The following PAMR1 variants were observed in gnomAD, a reference collection of about 807,000 sequenced individuals.
The protein encoded by PAMR1 is peptidase domain containing associated with muscle regeneration 1, also known as inactive serine protease PAMR1.
A neutral mutation model predicts 81.8 loss-of-function variants in PAMR1; 88 were observed. The ratio of observed to expected loss-of-function variants is 1.08; its 90% CI spans 0.91 to 1.28. The LOEUF (loss-of-function observed/expected upper bound fraction) is 1.28, where lower values mean the gene tolerates loss of function less well. PAMR1 is among the 50% of genes most tolerant of loss of function. PAMR1 has a pLI of 0.00. For missense variants in PAMR1, 935 were observed against 919.7 expected, an observed-to-expected ratio of 1.02 and a Z score of -0.21; for synonymous variants, 336 against 345.3, an observed-to-expected ratio of 0.97 and a Z score of 0.30.
chr11:35,511,318 G>T (rs1002172608), intron 1 of PAMR1, among the ~76,000 whole-genome samples: 1 of 152,198 alleles, frequency 6.6e-6, no homozygotes, highest in East Asian at 1.9e-4. Context: ...CTCAGGCATC[G>T]TCTGCAAGTG....
upstream of PAMR1, chr11:35,530,289 A>G (rs1815614229): frequency 1.3e-5 from 2 of 152,232 alleles, no homozygotes; most frequent in African/African-American, 4.8e-5. Flanking sequence ...GGAAGTCTCC[A>G]GCCCTAATGA....
intron 8 of PAMR1, 101 bp downstream of exon 8, chr11:35,439,526 C>T: frequency 1.0e-6 from 1 of 971,056 alleles, no homozygotes; most frequent in Non-Finnish European, 1.7e-6. Context: ...CCCTAAGAAA[C>T]CTCAAACTGA....
rs184703334 is a variant in PAMR1 at position 35,479,077 on chromosome 11, A to T, written c.380-4333T>A. ...AACAAAAATGAACACCCTTAGCCTC[A>T]GACAAAAGTCTTCTTATCTTCAGCA... On this transcript the variant is annotated intron_variant, in intron 3 of 10. Transcript: ENST00000619888. Among the ~76,000 whole-genome samples the T allele has an allele frequency of 7.9e-4, 120 of 152,302 alleles. 2 individuals are homozygous for T. The highest frequency in any genetic ancestry group is 2.7e-3 in the African/African-American group (112 of 41,570).
chr11:35,489,950 C>A (rs1850586476), intron 3 of PAMR1, among the ~76,000 whole-genome samples: 1 of 152,228 alleles, frequency 6.6e-6, no homozygotes, highest in Non-Finnish European at 1.5e-5. Context: ...CTGTATTAAT[C>A]TGTTCCCACA....
At chr11:35,475,583 A>G (rs181489500) in intron 3 of PAMR1, among the ~76,000 whole-genome samples, 1 of 152,324 alleles carries the variant, frequency 6.6e-6, no homozygotes, top group Admixed American at 6.5e-5. Context: ...AATGCACTGT[A>G]TTTTTGTACC....
At chr11:35,502,363 G>C (rs1333049774) in intron 1 of PAMR1, among the ~76,000 whole-genome samples, 1 of 152,100 alleles carries the variant, frequency 6.6e-6, no homozygotes, top group Non-Finnish European at 1.5e-5. Flanking sequence ...CATCACCCAG[G>C]TATTAAGCCT....
chr11:35,464,272 T>A (rs111560586), intron 6 of PAMR1, among the ~76,000 whole-genome samples: 10,828 of 152,294 alleles, frequency 0.071, 1,288 homozygotes, highest in African/African-American at 0.25. Context: ...ACATTCAGCC[T>A]TTCAATGACT....
intron 1 of PAMR1, among the ~76,000 whole-genome samples, chr11:35,499,534 CCT>C (rs1850791512): frequency 6.6e-6 from 1 of 152,184 alleles, no homozygotes; most frequent in Non-Finnish European, 1.5e-5. Context: ...TGTTCCACTC[CCT>C]GTTTCCCCCT....
Position 35,470,650 on chromosome 11 carries a change from A to G in PAMR1, c.663T>C (p.Asp221=), listed in dbSNP as rs763751756. Residue 221 remains aspartate, a synonymous_variant, in exon 5 of 11, where the codon GAT becomes GAC. Coordinates refer to ENST00000619888, the MANE Select transcript of PAMR1 (RefSeq NM_001001991.3). The stretch of plus-strand genomic sequence containing the variant: ...GGAAACCGTCAAAATTCTTGGAGCC[A>G]TCGGAGTGGAAGAGGACGTGGAGTG... ...GSSLHVLFHS[D]GSKNFDGFHA... is the part of the protein sequence containing the mutation. 12 of 1,614,214 alleles carry G rather than the reference A, an allele frequency of 7.4e-6. No homozygotes were observed. Among genetic ancestry groups the G allele is most frequent in the South Asian group, 2.2e-5 (2 of 91,080 alleles).
intron 2 of PAMR1, 146 bp from the exon 3 acceptor site, chr11:35,492,319 A>T: frequency 1.2e-6 from 1 of 835,074 alleles, no homozygotes; most frequent in Non-Finnish European, 1.9e-6. Context: ...CAGAGGAAGA[A>T]CCTCTCATCT....
At chr11:35,465,221 C>A (rs979173352) in intron 6 of PAMR1, among the ~76,000 whole-genome samples, 1 of 152,110 alleles carries the variant, frequency 6.6e-6, no homozygotes, top group South Asian at 2.1e-4. Flanking sequence ...TAAAGCAGCA[C>A]CTGTGAAATG....
rs1313243488 is a variant in PAMR1, at chr11:35,435,259, G to A, written c.1334-455C>T. On this transcript the variant is annotated intron_variant, in intron 9 of 10. Transcript: ENST00000619888. The stretch of plus-strand genomic sequence containing the variant: ...GTTCTCCTTTCGCAAAGAGGATGGG[G>A]AAGGCAGCTTAGTAAATGCAGGCCC... 3.3e-5 allele frequency among the ~76,000 whole-genome samples: 5 copies of A among 152,340 alleles called. No individual in the cohort carries two copies. In the East Asian group the frequency reaches 9.6e-4, roughly 29 times the overall value.
At chr11:35,468,165 C>A in intron 5 of PAMR1, 57 bp from the exon 6 acceptor site, 1 of 1,090,842 alleles carries the variant, frequency 9.2e-7, no homozygotes, top group Non-Finnish European at 1.4e-6. Flanking sequence ...TGTCTTCAGG[C>A]CCAGAGTCTT....
intron 3 of PAMR1, among the ~76,000 whole-genome samples, chr11:35,491,067 C>T (rs1323263097): frequency 2.6e-5 from 4 of 152,150 alleles, no homozygotes; most frequent in Admixed American, 2.6e-4. Context: ...CGAGAAACCA[C>T]CTAAAATGGC....
intron 1 of PAMR1, among the ~76,000 whole-genome samples, chr11:35,517,149 C>G (rs1851180140): frequency 6.6e-6 from 1 of 152,174 alleles, no homozygotes; most frequent in Non-Finnish European, 1.5e-5. Context: ...ATGAGATTCA[C>G]AGCTCAGTTT....
rs758102474 is a variant in PAMR1 at position 35,432,634 on chromosome 11, G to A, written c.1885C>T (p.Leu629=). Residue 629 remains leucine, a synonymous_variant, in exon 11 of 11, where the codon CTG becomes TTG. Transcript: ENST00000619888. ...TGGTCCTCATGCTGCTCCTCACACA[G>A]CAGCGAGTCCACCACACTGACCACC... ...SGVVSVVDSL[L]CEEQHEDHGI... 4 of 1,613,962 alleles carry A rather than the reference G, an allele frequency of 2.5e-6. No individual in the cohort carries two copies. In the Admixed American group the frequency reaches 6.7e-5, roughly 27 times the overall value.
At chr11:35,478,835 C>CGT (rs111660645) in intron 3 of PAMR1, among the ~76,000 whole-genome samples, 1,572 of 149,676 alleles carry the variant, frequency 0.011, 18 homozygotes, top group African/African-American at 0.028. Context: ...GGTGTGTGGG[C>CGT]GTGTGTGTGT....
chr11:35,432,177 T>C lies in PAMR1; in HGVS notation c.*179A>G, dbSNP rs1415903858. The C allele has an allele frequency of 4.9e-6, 3 of 612,124 alleles. No individual in the cohort carries two copies. Among genetic ancestry groups the C allele is most frequent in the Non-Finnish European group, 5.7e-6 (2 of 347,830 alleles). 37.9% of individuals were successfully genotyped at this position (612,124 alleles called of 1,614,324 possible). The stretch of plus-strand genomic sequence containing the variant: ...GGCTGTCCTAGTAGTGGACGCGGCA[T>C]CAGCCTACCAGCAATGGAGGTCTAC... On this transcript the variant is annotated 3_prime_UTR_variant, in exon 11 of 11. Coordinates refer to ENST00000619888, the MANE Select transcript of PAMR1 (RefSeq NM_001001991.3).
rs367709317 is a variant in PAMR1, at chr11:35,441,605, G to A, written c.909C>T (p.Arg303=). 1.0e-4 allele frequency: 168 copies of A among 1,613,846 alleles called. No homozygotes were observed. The highest frequency in any genetic ancestry group is 1.3e-4 in the Non-Finnish European group (157 of 1,179,920). ...ACACCACGGTGCCAATTTTAGCATG[G>A]CGTCCGTTGATAAGCCCAGGGCCCC... is the stretch of plus-strand genomic sequence containing the variant. The part of the protein sequence containing the change: ...ITGGPGLING[R]HAKIGTVVSF... The change falls in exon 7 of 11, where the codon CGC becomes CGT. Residue 303 remains arginine, a synonymous_variant. Coordinates refer to ENST00000619888, the MANE Select transcript of PAMR1 (RefSeq NM_001001991.3).
Sources: gnomAD v4.1 joint callset for allele counts (sites outside exome capture counted in the v4.1 genomes callset) on GRCh38, gnomAD v4.1.1 for gene constraint, MANE v1.5 for transcripts, NCBI Gene and HGNC (gene_info 2026-07-23, HGNC 2026-07-21) for gene names.